The following TNRC6C variants were observed in gnomAD, a reference collection of about 807,000 sequenced individuals.
TNRC6C encodes trinucleotide repeat containing adaptor 6C.
A neutral mutation model predicts 153.7 loss-of-function variants in TNRC6C; 20 were observed. The observed-to-expected ratio is 0.13, with a 90% CI of 0.09 to 0.19. The LOEUF is 0.19. TNRC6C is among the 10% of genes least tolerant of loss of function. The pLI is 1.00. For synonymous variants in TNRC6C, 811 were observed against 841.4 expected (o/e 0.96, Z 0.63); for missense variants, 1,987 against 2,172.0 (o/e 0.91, Z 1.69).
chr17:78,012,933 G>T (rs974705353), intron 1 of TNRC6C, among the ~76,000 whole-genome samples: 3 of 152,166 alleles, frequency 2.0e-5, no homozygotes, highest in East Asian at 3.8e-4. Flanking sequence ...GTAAGTGAGA[G>T]AATTGGGAAA....
At chr17:78,084,096 C>A (rs1411069686) in intron 11 of TNRC6C, among the ~76,000 whole-genome samples, 1 of 152,014 alleles carries the variant, frequency 6.6e-6, no homozygotes, top group African/African-American at 2.4e-5. Flanking sequence ...TTAGTCTGGC[C>A]AACATGGTGA....
chr17:78,052,034 G>A (rs2072547862), intron 3 of TNRC6C, among the ~76,000 whole-genome samples: 1 of 152,210 alleles, frequency 6.6e-6, no homozygotes, highest in Non-Finnish European at 1.5e-5. Flanking sequence ...AGGAACAAGT[G>A]GAGATGAGAA....
At chr17:78,092,792 C>A in intron 14 of TNRC6C, 141 bp from the exon 17 acceptor site, 1 of 618,922 alleles carries the variant, frequency 1.6e-6, no homozygotes, top group Non-Finnish European at 2.8e-6. Context: ...CTAGACAGAC[C>A]AAGTCTTACA....
intron 6 of TNRC6C, among the ~76,000 whole-genome samples, chr17:78,072,140 C>G (rs2073008772): frequency 6.6e-6 from 1 of 152,226 alleles, no homozygotes; most frequent in Non-Finnish European, 1.5e-5. Flanking sequence ...ACACTGGGCA[C>G]AGGCCCTCTG....
At chr17:78,088,403 C>CT (rs538864544) in intron 13 of TNRC6C, among the ~76,000 whole-genome samples, 66 of 147,100 alleles carry the variant, frequency 4.5e-4, no homozygotes, top group South Asian at 1.5e-3. Flanking sequence ...ATTTTTCTTT[C>CT]TTTTTTTTTT....
At chr17:78,033,910 C>T (rs1192023957) in intron 2 of TNRC6C, among the ~76,000 whole-genome samples, 1 of 152,156 alleles carries the variant, frequency 6.6e-6, no homozygotes, top group South Asian at 2.1e-4. Context: ...AACTCACCAC[C>T]CTTCACTGAC....
chr17:78,049,715 TCCC>T lies in TNRC6C; in HGVS notation c.654_656del (p.Ile218_Pro219delinsMet). 6.3e-7 allele frequency: 1 copy of T among 1,599,712 alleles called. No individual in the cohort carries two copies. Among genetic ancestry groups the T allele is most frequent in the Non-Finnish European group, 8.5e-7 (1 of 1,171,214 alleles). Reference sequence around the variant, plus strand: ...ATGGCTGTTGGTATGGGGGCCATCATCCCGCCCCACCTGCAAGGCCTTCCTGGT... The same window carrying T: ...ATGGCTGTTGGTATGGGGGCCATCATGCCCCACCTGCAAGGCCTTCCTGGT... On this transcript the variant is annotated inframe_deletion, in exon 3 of 20. Coordinates refer to ENST00000301624, the Ensembl canonical transcript of TNRC6C. The surrounding 1 kb of genome is among the most constrained non-coding windows in gnomAD (Gnocchi z 4.1).
In TNRC6C at chr17:78,023,300, T is replaced by C. The variant is rs372355325; in HGVS notation, c.-545-8216T>C. ...TGAAGGATGACTGTACTTTGACTTT[T>C]ATAGTAGCTAGCCATCCAGTGTCAG... On this transcript the variant is annotated intron_variant, in intron 1 of 19. Transcript: ENST00000301624. Among the ~76,000 whole-genome samples the C allele has an allele frequency of 1.2e-4, 18 of 152,372 alleles. No individual in the cohort carries two copies. The East Asian group carries it at 1.3e-3, about 11-fold the overall frequency.
Position 78,104,855 on chromosome 17 carries a change from T to TCATCAGCAC in TNRC6C, c.*13_*21dup, listed in dbSNP as rs2073663734. 7.1e-7 allele frequency: 1 copy of TCATCAGCAC among 1,408,486 alleles called. No homozygotes were observed. Among genetic ancestry groups the TCATCAGCAC allele is most frequent in the Admixed American group, 3.1e-5 (1 of 32,390 alleles). 87.2% of individuals were successfully genotyped at this position (1,408,486 alleles called of 1,614,324 possible). A position where few individuals can be genotyped will look rare whatever the true frequency, so the allele number is the denominator to read the frequency against. On this transcript the variant is annotated 3_prime_UTR_variant, in exon 20 of 20. Transcript: ENST00000301624. The surrounding 1 kb of genome is among the most constrained non-coding windows in gnomAD (Gnocchi z 6.2). ...CGGGGAGTCCCTGTAGGCTCTGCCA[T>TCATCAGCAC]CATCAGCACCAGGAGAGCCGACCCC...
At chr17:78,015,791 G>T (rs1260422061) in intron 1 of TNRC6C, among the ~76,000 whole-genome samples, 4 of 152,058 alleles carry the variant, frequency 2.6e-5, no homozygotes, top group Non-Finnish European at 5.9e-5. Context: ...GGGCGCCTGT[G>T]ATCCCAGCTA....
chr17:78,092,981 T>C lies in TNRC6C; in HGVS notation c.4019T>C (p.Ile1340Thr), dbSNP rs202164617. 273 of 1,613,898 alleles carry C rather than the reference T, an allele frequency of 1.7e-4. No homozygotes were observed. Among genetic ancestry groups the C allele is most frequent in the Non-Finnish European group, 2.2e-4 (258 of 1,179,872 alleles). The change falls in exon 15 of 20, where the codon ATT becomes ACT. Residue 1340 changes from isoleucine (I) to threonine (T), a missense_variant. Around this residue, in one of 4 missense-constraint regions of TNRC6C, gnomAD observed 765 missense variants for 908.6 expected, o/e 0.84. Coordinates refer to ENST00000301624, the Ensembl canonical transcript of TNRC6C. ...ATTGGGCCTCCAGGTAAGTCCTCCA[T>C]TGATGACTCCTATGGCCGGTACGAT...
At chr17:77,998,970 A>G (rs143386330) in intron 1 of TNRC6C, among the ~76,000 whole-genome samples, 52 of 152,356 alleles carry the variant, frequency 3.4e-4, no homozygotes, top group Non-Finnish European at 7.2e-4. Flanking sequence ...TTCCAGTGTC[A>G]GCTCAGTACT....
chr17:78,002,963 A>C (rs546800839), upstream of TNRC6C, among the ~76,000 whole-genome samples: 78 of 152,344 alleles, frequency 5.1e-4, no homozygotes, highest in Non-Finnish European at 8.2e-4. Context: ...GGAAATGGGA[A>C]GATTCAGTGA....
Position 78,049,450 on chromosome 17 carries a change from G to C in TNRC6C, c.388G>C (p.Val130Leu), listed in dbSNP as rs1394860365. 1.2e-6 allele frequency: 2 copies of C among 1,614,032 alleles called. No individual in the cohort carries two copies. The highest frequency in any genetic ancestry group is 1.6e-4 in the Middle Eastern group (1 of 6,062). ...CAACCCTTCCAGTATTTGCAGTCCA[G>C]TCAGTGCCATAGGTCAAAATATGGG... Residue 130 changes from valine (V) to leucine (L), a missense_variant, in exon 3 of 20, where the codon GTC (valine) becomes CTC (leucine). Physicochemically the swap from Val to Leu is conservative, Grantham distance 32. Around this residue, in one of 4 missense-constraint regions of TNRC6C, gnomAD observed 1,052 missense variants for 1,017.0 expected, o/e 1.03. Coordinates refer to ENST00000301624, the Ensembl canonical transcript of TNRC6C. The surrounding 1 kb of genome is among the most constrained non-coding windows in gnomAD (Gnocchi z 4.1).
intron 1 of TNRC6C, among the ~76,000 whole-genome samples, chr17:77,995,611 G>A (rs191177237): frequency 2.0e-5 from 3 of 152,216 alleles, no homozygotes; most frequent in Admixed American, 2.0e-4. Flanking sequence ...GAAATCCCAA[G>A]CATTATTAAT....
At chr17:78,082,887 C>A (rs2073208363) in intron 10 of TNRC6C, among the ~76,000 whole-genome samples, 160 bp from the exon 13 acceptor site, 1 of 152,202 alleles carries the variant, frequency 6.6e-6, no homozygotes, top group South Asian at 2.1e-4. Context: ...TTTGTATTTA[C>A]AATAATCAGG....
exon 3 of TNRC6C, chr17:78,051,149 C>A: frequency 6.3e-7 from 1 of 1,575,242 alleles, no homozygotes; most frequent in South Asian, 1.2e-5. Flanking sequence ...ATCGGGGGGC[C>A]GGTACCGGTC....
intron 5 of TNRC6C, among the ~76,000 whole-genome samples, chr17:78,068,283 A>G (rs2072922716): frequency 6.6e-6 from 1 of 152,268 alleles, no homozygotes; most frequent in Admixed American, 6.5e-5. Flanking sequence ...TGAAAAATTA[A>G]TTACTTTTTA....
intron 10 of TNRC6C, among the ~76,000 whole-genome samples, chr17:78,081,892 C>T (rs1330031297): frequency 1.3e-5 from 2 of 152,064 alleles, no homozygotes; most frequent in Non-Finnish European, 2.9e-5. Context: ...GGACACAGAA[C>T]CTTGGAAAGT....
Sources: allele counts gnomAD v4.1 joint callset (sites outside exome capture counted in the v4.1 genomes callset), GRCh38; gene constraint gnomAD v4.1.1; regional missense constraint gnomAD v4.1.1; non-coding constraint Gnocchi (gnomAD v3.1); transcripts MANE v1.5; gene names NCBI Gene and HGNC (gene_info 2026-07-23, HGNC 2026-07-21).